Variants in PTPRB observed in about 807,000 individuals in gnomAD.
The protein encoded by PTPRB is receptor-type tyrosine-protein phosphatase beta.
A neutral mutation model predicts 238.1 loss-of-function variants in PTPRB; 97 were observed. The ratio of observed to expected loss-of-function variants is 0.41; its 90% CI spans 0.35 to 0.48. The LOEUF is 0.48. PTPRB is among the 20% of genes least tolerant of loss of function. The probability of loss-of-function intolerance (pLI) is 0.30; values close to 1 mark genes in which losing one functional copy is unlikely to be tolerated. For synonymous variants in PTPRB, 970 were observed against 995.4 expected (o/e 0.97, Z 0.48); for missense variants, 2,292 against 2,681.9 (o/e 0.85, Z 3.21).
chr12:70,633,122 T>G (rs942808106), intron 2 of PTPRB, among the ~76,000 whole-genome samples: 1 of 152,224 alleles, frequency 6.6e-6, no homozygotes, highest in African/African-American at 2.4e-5. Context: ...AACACATGTA[T>G]TTGTGCTGCT....
intron 27 of PTPRB, chr12:70,538,599 T>A: frequency 2.3e-6 from 1 of 442,550 alleles, no homozygotes; most frequent in South Asian, 3.6e-5. Flanking sequence ...AACCGAAGAC[T>A]TTGCTAAGCA....
chr12:70,563,203 T>C, intron 15 of PTPRB, 96 bp from the exon 16 acceptor site: 2 of 1,197,122 alleles, frequency 1.7e-6, no homozygotes, highest in East Asian at 2.6e-5. Flanking sequence ...AAAGAGGAAG[T>C]TGGATTCAGT....
At chr12:70,561,803 A>C (rs942336485) in intron 16 of PTPRB, among the ~76,000 whole-genome samples, 1 of 152,180 alleles carries the variant, frequency 6.6e-6, no homozygotes, top group Admixed American at 6.5e-5. Context: ...AATTTAAGGC[A>C]TTCCCAGATC....
chr12:70,588,111 AAAGAAAAG>A (rs1452988792), intron 8 of PTPRB, among the ~76,000 whole-genome samples: 6 of 149,162 alleles, frequency 4.0e-5, no homozygotes, highest in South Asian at 2.1e-4. Context: ...AAAAAAAAAA[AAAGAAAAG>A]AAAAGAAAAG....
intron 2 of PTPRB, among the ~76,000 whole-genome samples, chr12:70,633,693 C>T (rs1885556843): frequency 6.6e-6 from 1 of 152,108 alleles, no homozygotes; most frequent in Non-Finnish European, 1.5e-5. Flanking sequence ...TAGCATTGTT[C>T]AGTGGTTAAT....
rs1203014017 is a variant in PTPRB, at chr12:70,524,586, C to T, written c.6510G>A (p.Gln2170=). 3.1e-6 allele frequency: 5 copies of T among 1,609,180 alleles called. No individual in the cohort carries two copies. Among genetic ancestry groups the T allele is most frequent in the South Asian group, 1.1e-5 (1 of 90,148 alleles). ...HRVHMVQTEC[Q]YVYLHQCVRD... is the part of the protein sequence containing the mutation. ...TTACACACTGATGTAGGTAGACATA[C>T]TGACACTGTGGAAAAGCAGAAACAT... The change falls in exon 33 of 34, where the codon CAG becomes CAA. Residue 2170 remains glutamine (Q), a synonymous_variant. Transcript: ENST00000334414.
At chr12:70,590,383 AGT>A (rs1882362072) in intron 7 of PTPRB, 150 bp from the exon 8 acceptor site, 1 of 749,624 alleles carries the variant, frequency 1.3e-6, no homozygotes, top group South Asian at 2.9e-5. Flanking sequence ...ATTGCAAATG[AGT>A]GTTCTTTATT....
chr12:70,612,850 T>C (rs1449073367), intron 3 of PTPRB, among the ~76,000 whole-genome samples: 1 of 151,894 alleles, frequency 6.6e-6, no homozygotes, highest in African/African-American at 2.4e-5. Flanking sequence ...AGCTGGATGC[T>C]GTGGTGCGTG....
intron 31 of PTPRB, among the ~76,000 whole-genome samples, chr12:70,534,150 C>A (rs919157805): frequency 2.6e-5 from 4 of 151,950 alleles, no homozygotes; most frequent in Non-Finnish European, 4.4e-5. Context: ...TTATTGGGAA[C>A]TTAGATTGAA....
chr12:70,538,995 C>T lies in PTPRB; in HGVS notation c.5798G>A (p.Arg1933Gln), dbSNP rs371535586. 39 of 1,613,578 alleles carry T rather than the reference C, an allele frequency of 2.4e-5. 1 individual carries two copies. The highest frequency in any genetic ancestry group is 4.5e-5 in the East Asian group (2 of 44,886). The change falls in exon 27 of 34, where the codon CGA becomes CAA. Residue 1933 changes from arginine to glutamine, a missense_variant. Physicochemically the swap from Arg to Gln is conservative, Grantham distance 43. This residue lies in a region of PTPRB where 397 missense variants were observed against 502.0 expected (regional missense o/e 0.79). Coordinates refer to ENST00000334414, the MANE Select transcript of PTPRB (RefSeq NM_001109754.4). ...KEYEELKDVG[R>Q]NQSCDIALLP... ...GAGTGCAATGTCACATGACTGGTTT[C>T]GGCCCACGTCTTTTAACTCCTGTTA...
rs766293136 is a variant in PTPRB at position 70,563,118 on chromosome 12, C to T, written c.3905-11G>A. 6.9e-6 allele frequency: 11 copies of T among 1,605,048 alleles called. No homozygotes were observed. The highest frequency in any genetic ancestry group is 3.4e-5 in the Admixed American group (2 of 58,826). On this transcript the variant is annotated splice_polypyrimidine_tract_variant and intron_variant, in intron 15 of 33. Coordinates refer to ENST00000334414, the MANE Select transcript of PTPRB (RefSeq NM_001109754.4). Reference sequence around the variant, plus strand: ...TGACAGCTGCTGGGACTGGAAAAGTCGAGGAGCAAGAGAATGAGGGAGGGA... The same window carrying T: ...TGACAGCTGCTGGGACTGGAAAAGTTGAGGAGCAAGAGAATGAGGGAGGGA...
In PTPRB at chr12:70,637,411, T is replaced by A; in HGVS notation, c.-16A>T. On this transcript the variant is annotated 5_prime_UTR_variant, in exon 1 of 34. Coordinates refer to ENST00000334414, the MANE Select transcript of PTPRB (RefSeq NM_001109754.4). ...CAGCCTCCATTTTCCACTTAGCAAC[T>A]GTTCATGCTTCGCTTGGGGAAAAAA... 1.2e-6 allele frequency: 2 copies of A among 1,604,000 alleles called. No homozygotes were observed. Among genetic ancestry groups the A allele is most frequent in the South Asian group, 1.1e-5 (1 of 88,894 alleles).
chr12:70,611,399 A>G (rs1884435232), intron 3 of PTPRB, among the ~76,000 whole-genome samples: 1 of 152,132 alleles, frequency 6.6e-6, no homozygotes. Flanking sequence ...AGCAATTCTT[A>G]AGCCTCAGCC....
chr12:70,600,738 C>T (rs193207628), intron 4 of PTPRB, among the ~76,000 whole-genome samples: 1 of 152,160 alleles, frequency 6.6e-6, no homozygotes, highest in African/African-American at 2.4e-5. Context: ...CTCTGTCACC[C>T]GGGCTGGAGT....
At chr12:70,630,557 A>T (rs1039863155) in intron 2 of PTPRB, among the ~76,000 whole-genome samples, 1 of 152,210 alleles carries the variant, frequency 6.6e-6, no homozygotes, top group African/African-American at 2.4e-5. Context: ...TAGTGTTGGG[A>T]GTTCTGGCCA....
intron 23 of PTPRB, chr12:70,540,401 C>T: frequency 4.8e-6 from 1 of 206,476 alleles, no homozygotes; most frequent in Non-Finnish European, 9.7e-6. Context: ...AGGCACGACA[C>T]TTGGGGCCAC....
chr12:70,563,228 T>C, intron 15 of PTPRB, 121 bp from the exon 16 acceptor site: 1 of 1,047,320 alleles, frequency 9.5e-7, no homozygotes, highest in Non-Finnish European at 1.4e-6. Context: ...CGGGAAACAG[T>C]AACAATAGGA....
intron 2 of PTPRB, among the ~76,000 whole-genome samples, chr12:70,626,671 T>C (rs2136594211): frequency 6.6e-6 from 1 of 152,216 alleles, no homozygotes; most frequent in South Asian, 2.1e-4. Context: ...ATGTAAACAC[T>C]ACATCTTTTT....
At chr12:70,615,362 A>T (rs545045502) in intron 3 of PTPRB, among the ~76,000 whole-genome samples, 4,428 of 152,206 alleles carry the variant, frequency 0.029, 95 homozygotes, top group Non-Finnish European at 0.042. Flanking sequence ...TTTTTTTAAA[A>T]TACTGCAAGG....
Sources: gnomAD v4.1 joint callset for allele counts (sites outside exome capture counted in the v4.1 genomes callset) on GRCh38, gnomAD v4.1.1 for gene constraint, gnomAD v4.1.1 regional missense constraint, MANE v1.5 for transcripts, NCBI Gene and HGNC (gene_info 2026-07-23, HGNC 2026-07-21) for gene names.